COL13A1: variants seen among roughly 807,000 people sequenced by gnomAD.
COL13A1 encodes the protein collagen alpha-1(XIII) chain.
A neutral mutation model predicts 130.9 loss-of-function variants in COL13A1; 89 were observed. The observed-to-expected ratio is 0.68, with a 90% CI of 0.57 to 0.81. The LOEUF (loss-of-function observed/expected upper bound fraction) is 0.81. Among genes scored for constraint, COL13A1 ranks in the 30% least tolerant of loss-of-function variants. COL13A1 has a pLI of 0.00. For missense variants in COL13A1, 879 were observed against 934.6 expected (o/e 0.94, Z 0.78); for synonymous variants, 402 against 341.6 (o/e 1.18, Z -1.95).
chr10:69,834,075 T>C (rs930106359), intron 2 of COL13A1, among the ~76,000 whole-genome samples: 2 of 152,174 alleles, frequency 1.3e-5, no homozygotes, highest in African/African-American at 4.8e-5. Context: ...CCCAGTCTTT[T>C]TGGGACCAGT....
At chr10:69,956,917 T>C (rs74637466) in intron 39 of COL13A1, 87 bp from the exon 40 acceptor site, 18,706 of 1,009,282 alleles carry the variant, frequency 0.019, 264 homozygotes, top group East Asian at 0.036. Context: ...GCTGCCAAAA[T>C]GCGTGTGGCC....
Position 69,802,482 on chromosome 10 carries a change from T to A in COL13A1, c.59T>A (p.Leu20Ter), listed in dbSNP as rs1254828429. 9.9e-6 allele frequency: 15 copies of A among 1,520,392 alleles called. No individual in the cohort carries two copies. The highest frequency in any genetic ancestry group is 1.3e-5 in the Non-Finnish European group (15 of 1,137,264). 94.2% of individuals were successfully genotyped at this position (1,520,392 alleles called of 1,614,324 possible). A position where few individuals can be genotyped will look rare whatever the true frequency, so the allele number is the denominator to read the frequency against. ...ACCGGTGCCCGCGGCCCTGGGGAGTTGGGCGCGCCCGGGACGGTGGCTCTG... is the reference window on the plus strand; with the variant it reads ...ACCGGTGCCCGCGGCCCTGGGGAGTAGGGCGCGCCCGGGACGGTGGCTCTG... ...AATGARGPGE[L>*]GAPGTVALVA... is the part of the protein sequence containing the mutation. Residue 20 changes from leucine to a stop codon, truncating the protein, a stop_gained, in exon 1 of 41, where the codon TTG (leucine) becomes TAG (stop). Transcript: ENST00000645393. LOFTEE classifies it high-confidence loss of function.
rs1262534437 is a variant in COL13A1, at chr10:69,938,634, T to C, written c.1878+919T>C. 2.0e-5 allele frequency among the ~76,000 whole-genome samples: 3 copies of C among 152,082 alleles called. No homozygotes were observed. The East Asian group carries it at 5.8e-4, about 29-fold the overall frequency. On this transcript the variant is annotated intron_variant, in intron 34 of 40. Transcript: ENST00000645393. ...GCTCAAGGCCAGTTCCCACCCCAGG[T>C]AGCCATAAAGAGCAGAGAAACAATG...
chr10:69,844,191 G>A (rs765015595), intron 2 of COL13A1, among the ~76,000 whole-genome samples: 5 of 152,236 alleles, frequency 3.3e-5, no homozygotes, highest in African/African-American at 4.8e-5. Flanking sequence ...AGCATGGGCT[G>A]TCAGGAGGGG....
At chr10:69,935,555 C>A (rs2066720674) in intron 32 of COL13A1, among the ~76,000 whole-genome samples, 164 bp downstream of exon 32, 1 of 152,232 alleles carries the variant, frequency 6.6e-6, no homozygotes, top group South Asian at 2.1e-4. Flanking sequence ...TGTTAAACAG[C>A]ACCATACTGG....
At chr10:69,882,367 A>G (rs1276817589) in intron 7 of COL13A1, among the ~76,000 whole-genome samples, 1 of 152,246 alleles carries the variant, frequency 6.6e-6, no homozygotes, top group African/African-American at 2.4e-5. Flanking sequence ...TGTTCAGGGC[A>G]GTAGAGCCTC....
intron 17 of COL13A1, among the ~76,000 whole-genome samples, chr10:69,907,869 A>G (rs2062947593): frequency 6.6e-6 from 1 of 152,258 alleles, no homozygotes; most frequent in African/African-American, 2.4e-5. Context: ...TAATTTATTC[A>G]TGAGGGCAGA....
At chr10:69,945,085 G>T (rs760148230) in intron 36 of COL13A1, among the ~76,000 whole-genome samples, 1 of 151,944 alleles carries the variant, frequency 6.6e-6, no homozygotes, top group Non-Finnish European at 1.5e-5. Flanking sequence ...TTCTATATCA[G>T]CTCTTCCCAG....
intron 2 of COL13A1, among the ~76,000 whole-genome samples, chr10:69,847,840 A>T (rs954530443): frequency 2.6e-5 from 4 of 152,136 alleles, no homozygotes; most frequent in Non-Finnish European, 5.9e-5. Context: ...AGAAAACCTA[A>T]CAACTTTGCC....
At chr10:69,910,079 C>T (rs2135350464) in intron 17 of COL13A1, among the ~76,000 whole-genome samples, 1 of 152,312 alleles carries the variant, frequency 6.6e-6, no homozygotes, top group African/African-American at 2.4e-5. Context: ...ACCAACCCTC[C>T]CAACCTCCAC....
At chr10:69,847,218 A>AT (rs1237372651) in intron 2 of COL13A1, among the ~76,000 whole-genome samples, 1 of 152,194 alleles carries the variant, frequency 6.6e-6, no homozygotes, top group African/African-American at 2.4e-5. Flanking sequence ...TGATGAGAAA[A>AT]TTGAGGCTCA....
At chr10:69,953,000 G>A (rs1422635587) in intron 39 of COL13A1, 32 bp downstream of exon 39, 4 of 1,459,040 alleles carry the variant, frequency 2.7e-6, no homozygotes, top group Non-Finnish European at 3.6e-6. Flanking sequence ...GCATTGTTCT[G>A]GTTTTTGTTC....
intron 2 of COL13A1, among the ~76,000 whole-genome samples, chr10:69,832,255 C>T (rs1257552906): frequency 2.0e-5 from 3 of 152,202 alleles, no homozygotes; most frequent in East Asian, 3.8e-4. Context: ...TGTGCTAAGG[C>T]ACTGCAAGAG....
chr10:69,817,483 GT>G (rs1844870932), intron 1 of COL13A1, among the ~76,000 whole-genome samples: 1 of 152,054 alleles, frequency 6.6e-6, no homozygotes, highest in African/African-American at 2.4e-5. Context: ...CAGTGCAATG[GT>G]GAAGGGTTGA....
chr10:69,919,612 C>T (rs1462817647), intron 20 of COL13A1, 53 bp from the exon 21 acceptor site: 2 of 398,838 alleles, frequency 5.0e-6, no homozygotes, highest in African/African-American at 2.1e-5. Flanking sequence ...CCATCCTACC[C>T]CTCACTGCCT....
intron 1 of COL13A1, among the ~76,000 whole-genome samples, chr10:69,814,132 A>G (rs1843794006): frequency 6.6e-6 from 1 of 152,230 alleles, no homozygotes; most frequent in African/African-American, 2.4e-5. Context: ...GATGGGATCA[A>G]GTCCCTGCCC....
intron 17 of COL13A1, 142 bp from the exon 18 acceptor site, chr10:69,917,147 C>A (rs1446330374): frequency 5.3e-6 from 5 of 950,974 alleles, no homozygotes; most frequent in Non-Finnish European, 7.9e-6. Context: ...CACACAGCTG[C>A]CACCAGGGCA....
chr10:69,827,864 A>G (rs1564776528), intron 2 of COL13A1, among the ~76,000 whole-genome samples: 1 of 152,114 alleles, frequency 6.6e-6, no homozygotes, highest in Non-Finnish European at 1.5e-5. Flanking sequence ...GTCACAAACC[A>G]GGCTCCTCTT....
intron 40 of COL13A1, among the ~76,000 whole-genome samples, chr10:69,958,246 C>T (rs780367471): frequency 1.3e-5 from 2 of 152,126 alleles, no homozygotes; most frequent in African/African-American, 4.8e-5. Flanking sequence ...ACCTCTGAAC[C>T]CTTGACCCCT....
Sources: gnomAD v4.1 joint callset for allele counts (sites outside exome capture counted in the v4.1 genomes callset) on GRCh38, gnomAD v4.1.1 for gene constraint, MANE v1.5 for transcripts, NCBI Gene and HGNC (gene_info 2026-07-23, HGNC 2026-07-21) for gene names.